GSK3B: variants seen among roughly 807,000 people sequenced by gnomAD.
GSK3B encodes glycogen synthase kinase 3 beta, also known as glycogen synthase kinase-3 beta.
A neutral mutation model predicts 56.4 loss-of-function variants in GSK3B; 15 were observed. The ratio of observed to expected loss-of-function variants is 0.27; its 90% confidence interval spans 0.18 to 0.41. The LOEUF (loss-of-function observed/expected upper bound fraction) is 0.41, where lower values mean the gene tolerates loss of function less well. Among genes scored for constraint, GSK3B ranks in the 10% least tolerant of loss-of-function variants. The pLI, the probability that GSK3B is intolerant of heterozygous loss-of-function variation, is 1.00. For synonymous variants in GSK3B, 181 were observed against 188.9 expected, an observed-to-expected ratio of 0.96 and a Z score of 0.34; for missense variants, 300 against 513.4, an observed-to-expected ratio of 0.58 and a Z score of 4.02.
chr3:120,017,071 C>A (rs1388124353), intron 1 of GSK3B, among the ~76,000 whole-genome samples: 2 of 152,104 alleles, frequency 1.3e-5, no homozygotes, highest in African/African-American at 4.8e-5. Flanking sequence ...CACGCTTATC[C>A]GTTTGATTTA....
At chr3:119,897,995 G>A (rs1380196385) in intron 7 of GSK3B, among the ~76,000 whole-genome samples, 5 of 151,926 alleles carry the variant, frequency 3.3e-5, no homozygotes, top group African/African-American at 1.2e-4. Flanking sequence ...TTTAAAATGG[G>A]GTCATATCAT....
intron 3 of GSK3B, among the ~76,000 whole-genome samples, chr3:119,926,175 A>T (rs189416639): frequency 2.5e-4 from 38 of 152,156 alleles, no homozygotes; most frequent in Admixed American, 8.5e-4. Flanking sequence ...ACTCAATACA[A>T]CTATACACTG....
At chr3:119,850,581 T>A (rs1039593132) in intron 9 of GSK3B, among the ~76,000 whole-genome samples, 1 of 152,038 alleles carries the variant, frequency 6.6e-6, no homozygotes, top group Non-Finnish European at 1.5e-5. Flanking sequence ...TTCAAAATGT[T>A]TTTTTTTAAT....
chr3:119,832,982 A>C (rs1486601323), intron 10 of GSK3B: 2 of 984,064 alleles, frequency 2.0e-6, no homozygotes, highest in East Asian at 1.1e-4. Flanking sequence ...TCAGATTCTC[A>C]AGAGATCTGT....
intron 1 of GSK3B, among the ~76,000 whole-genome samples, chr3:120,033,720 G>A (rs1426792587): frequency 6.6e-6 from 1 of 152,124 alleles, no homozygotes; most frequent in African/African-American, 2.4e-5. Context: ...CTGTTCTTGT[G>A]ATAGTGAGTT....
intron 9 of GSK3B, among the ~76,000 whole-genome samples, chr3:119,857,776 G>C (rs1274246870): frequency 6.6e-6 from 1 of 152,096 alleles, no homozygotes; most frequent in Non-Finnish European, 1.5e-5. Context: ...TCCATCAAAG[G>C]AATCACTATG....
At chr3:119,874,349 CAG>C (rs2056283009) in intron 8 of GSK3B, among the ~76,000 whole-genome samples, 1 of 151,900 alleles carries the variant, frequency 6.6e-6, no homozygotes, top group Non-Finnish European at 1.5e-5. Context: ...AAATTAGGCA[CAG>C]TAAGAGGTTA....
intron 1 of GSK3B, among the ~76,000 whole-genome samples, chr3:120,054,882 C>T (rs948466738): frequency 2.0e-5 from 3 of 152,196 alleles, no homozygotes; most frequent in Non-Finnish European, 4.4e-5. Context: ...GGAAGTAGGG[C>T]TTATTCCACA....
intron 2 of GSK3B, among the ~76,000 whole-genome samples, chr3:119,964,775 T>A (rs1181761016): frequency 6.6e-6 from 1 of 152,064 alleles, no homozygotes; most frequent in African/African-American, 2.4e-5. Context: ...CTCAAAAAAA[T>A]GAAAAACAGT....
intron 1 of GSK3B, among the ~76,000 whole-genome samples, chr3:120,026,432 T>A (rs1300961175): frequency 2.0e-5 from 3 of 151,610 alleles, no homozygotes; most frequent in Admixed American, 2.0e-4. Flanking sequence ...AAGGATTTAT[T>A]ACCGCAAGGG....
intron 2 of GSK3B, among the ~76,000 whole-genome samples, chr3:119,968,791 G>A (rs1371445349): frequency 6.6e-6 from 1 of 152,164 alleles, no homozygotes; most frequent in African/African-American, 2.4e-5. Flanking sequence ...TAACATTACT[G>A]CCTGTGAAGA....
chr3:120,044,043 C>T (rs566497009), intron 1 of GSK3B, among the ~76,000 whole-genome samples: 294 of 152,304 alleles, frequency 1.9e-3, no homozygotes, highest in South Asian at 0.014. Flanking sequence ...TGTGCATGGC[C>T]GGCCAGAGGC....
chr3:119,832,439 C>T (rs1219851596), intron 10 of GSK3B, among the ~76,000 whole-genome samples: 2 of 152,216 alleles, frequency 1.3e-5, no homozygotes, highest in African/African-American at 4.8e-5. Context: ...ATAATGTTTA[C>T]TCTTGTTTTA....
At chr3:119,868,459 G>T (rs549789006) in intron 8 of GSK3B, among the ~76,000 whole-genome samples, 1 of 152,304 alleles carries the variant, frequency 6.6e-6, no homozygotes, top group East Asian at 1.9e-4. Context: ...AATAGACTTT[G>T]TCCTTCAAAT....
chr3:119,844,211 C>G (rs1237936173), intron 9 of GSK3B, among the ~76,000 whole-genome samples: 1 of 151,886 alleles, frequency 6.6e-6, no homozygotes, highest in Non-Finnish European at 1.5e-5. Context: ...AATAAATGCC[C>G]ACAGGAGAAA....
At chr3:120,091,624 T>C (rs2058513284) in intron 1 of GSK3B, among the ~76,000 whole-genome samples, 1 of 152,132 alleles carries the variant, frequency 6.6e-6, no homozygotes, top group African/African-American at 2.4e-5. Flanking sequence ...ATGTAAAACA[T>C]ACAAACACTC....
At chr3:119,834,759 T>C (rs2108002619) in intron 10 of GSK3B, among the ~76,000 whole-genome samples, 1 of 152,318 alleles carries the variant, frequency 6.6e-6, no homozygotes, top group East Asian at 1.9e-4. Context: ...GAAAAATGTC[T>C]GATAGGGAAT....
At chr3:119,861,433 T>C (rs1466416129) in intron 9 of GSK3B, among the ~76,000 whole-genome samples, 4 of 150,860 alleles carry the variant, frequency 2.7e-5, no homozygotes, top group African/African-American at 9.8e-5. Flanking sequence ...ATTGTTTGAA[T>C]CTGGGAGGTG....
intron 7 of GSK3B, among the ~76,000 whole-genome samples, chr3:119,894,196 T>C (rs1251027510): frequency 6.6e-6 from 1 of 152,164 alleles, no homozygotes; most frequent in Non-Finnish European, 1.5e-5. Context: ...ATTTTATTTG[T>C]TCCTTTTTTG....
Sources: allele counts gnomAD v4.1 joint callset (sites outside exome capture counted in the v4.1 genomes callset), GRCh38; gene constraint gnomAD v4.1.1; transcripts MANE v1.5; gene names NCBI Gene and HGNC (gene_info 2026-07-23, HGNC 2026-07-21).